Variants in WDR70 observed in about 807,000 individuals in gnomAD.
WDR70 encodes WD repeat domain 70.
In WDR70, 53 loss-of-function variants were observed where a neutral mutation model predicts 88.6. The observed-to-expected ratio is 0.60, with a 90% CI of 0.48 to 0.75. The LOEUF is 0.75. Ranked by LOEUF, WDR70 falls within the 30% of genes least tolerant of loss-of-function variation. The pLI is 0.00. For synonymous variants in WDR70, 280 were observed against 270.0 expected, an observed-to-expected ratio of 1.04 and a Z score of -0.36; for missense variants, 610 against 823.2, an observed-to-expected ratio of 0.74 and a Z score of 3.17.
At chr5:37,719,846 T>TTC (rs1334201527) in intron 13 of WDR70, among the ~76,000 whole-genome samples, 52 of 12,560 alleles carry the variant, frequency 4.1e-3, no homozygotes, top group Middle Eastern at 0.05. Flanking sequence ...CTTTCTTTCT[T>TTC]TTTTTTTTTT....
rs185778404 is a variant in WDR70, at chr5:37,428,592, A to C, written c.493-9330A>C. 4.4e-3 allele frequency among the ~76,000 whole-genome samples: 676 copies of C among 152,274 alleles called. 3 individuals are homozygous for C. Among genetic ancestry groups the C allele is most frequent in the Middle Eastern group, 6.8e-3 (2 of 294 alleles). On this transcript the variant is annotated intron_variant, in intron 5 of 17. Transcript: ENST00000265107. ...TTTTGAGACTTGCCCATCTTGTCTC[A>C]TGTGTTAGTGCTTTGTTCATTTTTA...
intron 2 of WDR70, 25 bp downstream of exon 2, chr5:37,379,579 C>T (rs1748356765): frequency 6.2e-7 from 1 of 1,612,954 alleles, no homozygotes; most frequent in Non-Finnish European, 8.5e-7. Flanking sequence ...CAGGCAGAGA[C>T]CCTCTTCCTT....
chr5:37,569,519 A>G (rs1742840253), intron 9 of WDR70, among the ~76,000 whole-genome samples: 1 of 152,034 alleles, frequency 6.6e-6, no homozygotes, highest in South Asian at 2.1e-4. Context: ...TGTTCTATTG[A>G]TCTTATTAAA....
intron 9 of WDR70, among the ~76,000 whole-genome samples, chr5:37,557,240 A>G (rs964299684): frequency 1.3e-5 from 2 of 152,018 alleles, no homozygotes; most frequent in Admixed American, 1.3e-4. Context: ...ATGAAAAAAA[A>G]AAAAAAAGGT....
At chr5:37,734,666 A>G (rs996432362) in intron 17 of WDR70, among the ~76,000 whole-genome samples, 1 of 152,012 alleles carries the variant, frequency 6.6e-6, no homozygotes, top group African/African-American at 2.4e-5. Context: ...GCTATTTTAG[A>G]TACAGTGGTC....
intron 5 of WDR70, among the ~76,000 whole-genome samples, chr5:37,400,816 T>C (rs1749167193): frequency 6.6e-6 from 1 of 152,164 alleles, no homozygotes; most frequent in Non-Finnish European, 1.5e-5. Flanking sequence ...AGAAAAAAAT[T>C]GCTATAGCGA....
At chr5:37,551,777 T>G (rs1234660646) in intron 9 of WDR70, among the ~76,000 whole-genome samples, 1 of 142,926 alleles carries the variant, frequency 7.0e-6, no homozygotes, top group Non-Finnish European at 1.5e-5. Context: ...AGTTTTTTTT[T>G]TTTTTTTTTT....
chr5:37,668,044 A>G (rs1193328331), intron 10 of WDR70, among the ~76,000 whole-genome samples: 1 of 152,096 alleles, frequency 6.6e-6, no homozygotes, highest in African/African-American at 2.4e-5. Context: ...GTAGTCCCCT[A>G]ATATGATGAT....
At chr5:37,503,542 A>C (rs978783601) in intron 8 of WDR70, among the ~76,000 whole-genome samples, 1 of 152,056 alleles carries the variant, frequency 6.6e-6, no homozygotes, top group Non-Finnish European at 1.5e-5. Flanking sequence ...TTTCTGTGTT[A>C]GTTTTCTAAG....
chr5:37,415,384 G>A (rs1243174163), intron 5 of WDR70, among the ~76,000 whole-genome samples: 4 of 120,840 alleles, frequency 3.3e-5, no homozygotes, highest in African/African-American at 5.2e-5. Flanking sequence ...CTCACCTCCC[G>A]GACGGGGCGG....
chr5:37,557,959 T>TCTTTTGAAA, intron 9 of WDR70, among the ~76,000 whole-genome samples: 1 of 146,506 alleles, frequency 6.8e-6, no homozygotes, highest in African/African-American at 2.5e-5. Flanking sequence ...AAAAGAGTAT[T>TCTTTTGAAA]ATGTATATTT....
At chr5:37,679,346 TC>T (rs1214383075) in intron 10 of WDR70, among the ~76,000 whole-genome samples, 1 of 151,374 alleles carries the variant, frequency 6.6e-6, no homozygotes, top group African/African-American at 2.4e-5. Context: ...CTCTGTTTTT[TC>T]CCCATCTTTA....
intron 7 of WDR70, among the ~76,000 whole-genome samples, chr5:37,455,243 CT>C (rs544303522): frequency 0.36 from 44,854 of 122,948 alleles, 7,528 homozygotes; most frequent in Non-Finnish European, 0.47. Context: ...TTCTTTCTTT[CT>C]TTTTTTTTTT....
At chr5:37,444,370 G>T (rs1401991899) in intron 7 of WDR70, among the ~76,000 whole-genome samples, 5 of 124,188 alleles carry the variant, frequency 4.0e-5, no homozygotes, top group Non-Finnish European at 8.1e-5. Context: ...ACAGGGTCTG[G>T]CTCTGTTGCC....
At chr5:37,609,605 G>A (rs1360878598) in intron 10 of WDR70, among the ~76,000 whole-genome samples, 2 of 152,214 alleles carry the variant, frequency 1.3e-5, no homozygotes, top group African/African-American at 4.8e-5. Flanking sequence ...TGATTTTGCA[G>A]TAGGCACCAC....
chr5:37,711,282 A>G (rs1278718414), intron 13 of WDR70, among the ~76,000 whole-genome samples: 1 of 152,194 alleles, frequency 6.6e-6, no homozygotes, highest in Non-Finnish European at 1.5e-5. Flanking sequence ...GGTATTAAGC[A>G]TACTTGGCCC....
chr5:37,650,054 A>G (rs1745355712), intron 10 of WDR70, among the ~76,000 whole-genome samples: 1 of 144,728 alleles, frequency 6.9e-6, no homozygotes, highest in African/African-American at 2.5e-5. Context: ...TCTTATTATC[A>G]TCATTTATTG....
Position 37,506,861 on chromosome 5 carries a change from C to T in WDR70, c.841-9653C>T, listed in dbSNP as rs1190910065. The T allele has an allele frequency of 2.5e-5, 30 of 1,222,510 alleles. No homozygotes were observed. The East Asian group carries it at 3.7e-4, about 15-fold the overall frequency. The allele number at this position is 1,222,510 out of a possible 1,614,324, so 75.7% of individuals were successfully genotyped here. ...AGGAACAGGGTCACCCGCCTCATTG[C>T]GCTGCCCCCGGTGGGTCCTGAGTGA... is the stretch of plus-strand genomic sequence containing the variant. On this transcript the variant is annotated intron_variant, in intron 8 of 17. Coordinates refer to ENST00000265107, the MANE Select transcript of WDR70 (RefSeq NM_018034.4).
intron 10 of WDR70, among the ~76,000 whole-genome samples, chr5:37,658,157 A>G (rs1243226220): frequency 6.6e-6 from 1 of 151,900 alleles, no homozygotes; most frequent in Non-Finnish European, 1.5e-5. Flanking sequence ...CATCATCTTC[A>G]CATTTAGTAG....
Sources: allele counts gnomAD v4.1 joint callset (sites outside exome capture counted in the v4.1 genomes callset), GRCh38; gene constraint gnomAD v4.1.1; transcripts MANE v1.5; gene names NCBI Gene and HGNC (gene_info 2026-07-23, HGNC 2026-07-21).